The following PBX1 variants were observed in gnomAD, a reference collection of about 807,000 sequenced individuals.
PBX1 encodes the protein pre-B-cell leukemia transcription factor 1.
A neutral mutation model predicts 53.4 loss-of-function variants in PBX1; 6 were observed. The ratio of observed to expected loss-of-function variants is 0.11; its 90% confidence interval spans 0.06 to 0.22. PBX1 has a LOEUF of 0.22. Among genes scored for constraint, PBX1 ranks in the 10% least tolerant of loss-of-function variants. The probability of loss-of-function intolerance (pLI) is 1.00; values close to 1 mark genes in which losing one functional copy is unlikely to be tolerated. For synonymous variants in PBX1, 204 were observed against 212.3 expected (o/e 0.96, Z 0.34); for missense variants, 251 against 551.4 (o/e 0.46, Z 5.46).
chr1:164,623,564 C>T (rs1326690684), intron 2 of PBX1, among the ~76,000 whole-genome samples: 8 of 152,208 alleles, frequency 5.3e-5, no homozygotes, highest in Non-Finnish European at 8.8e-5. Context: ...CTGCCAAAGT[C>T]GTGCTTACTG....
chr1:164,753,476 T>A (rs995962557), intron 2 of PBX1, among the ~76,000 whole-genome samples: 21 of 152,344 alleles, frequency 1.4e-4, no homozygotes, highest in African/African-American at 4.3e-4. Context: ...AGGATTTCGT[T>A]ATATCCCCTC....
chr1:164,747,048 A>G (rs1327021387), intron 2 of PBX1, among the ~76,000 whole-genome samples: 2 of 152,076 alleles, frequency 1.3e-5, no homozygotes, highest in Non-Finnish European at 2.9e-5. Flanking sequence ...TGTTGTTCCT[A>G]TTGTGCAGGT....
In PBX1 at chr1:164,789,971, T is replaced by TC. The variant is rs1474835936; in HGVS notation, c.266-2523_266-2522insC. Among the ~76,000 whole-genome samples the TC allele has an allele frequency of 2.0e-5, 3 of 152,100 alleles. No individual in the cohort carries two copies. The South Asian group carries it at 6.2e-4, about 32-fold the overall frequency. The stretch of plus-strand genomic sequence containing the variant: ...TATTAATGGCTCAGAGGCGATTCTT[T>TC]TTTTTTTCTAATTTGTAAATGACCC... On this transcript the variant is annotated intron_variant, in intron 2 of 8. Coordinates refer to ENST00000420696, the MANE Select transcript of PBX1 (RefSeq NM_002585.4).
At chr1:164,581,516 G>A (rs1222274286) in intron 2 of PBX1, among the ~76,000 whole-genome samples, 1 of 152,046 alleles carries the variant, frequency 6.6e-6, no homozygotes, top group Admixed American at 6.6e-5. Flanking sequence ...ATGAGCCACC[G>A]CACCCAGCCC....
At chr1:164,635,051 A>G (rs1346140428) in intron 2 of PBX1, among the ~76,000 whole-genome samples, 1 of 137,926 alleles carries the variant, frequency 7.3e-6, no homozygotes, top group Non-Finnish European at 1.5e-5. Flanking sequence ...GAGGCAAGTG[A>G]TACATCTTAG....
At chr1:164,728,757 A>G (rs1300554772) in intron 2 of PBX1, among the ~76,000 whole-genome samples, 2 of 152,198 alleles carry the variant, frequency 1.3e-5, no homozygotes, top group East Asian at 1.9e-4. Context: ...TTTTAACTTT[A>G]TAACACCGGT....
At chr1:164,835,572 A>G (rs1175803839) in intron 8 of PBX1, among the ~76,000 whole-genome samples, 2 of 152,142 alleles carry the variant, frequency 1.3e-5, no homozygotes, top group African/African-American at 2.4e-5. Context: ...GTGCGATTGA[A>G]CATTTTTTAT....
intron 2 of PBX1, among the ~76,000 whole-genome samples, chr1:164,783,948 T>C (rs570562046): frequency 6.6e-6 from 1 of 152,362 alleles, no homozygotes; most frequent in Non-Finnish European, 1.5e-5. Context: ...TCTCTATGGT[T>C]GCTTCCTTTA....
At chr1:164,623,603 C>T (rs1438105907) in intron 2 of PBX1, among the ~76,000 whole-genome samples, 6 of 152,184 alleles carry the variant, frequency 3.9e-5, no homozygotes. Context: ...GTTTCTCTGC[C>T]TTTTCCTCGT....
chr1:164,632,731 C>T (rs577486111), intron 2 of PBX1, among the ~76,000 whole-genome samples: 13 of 152,184 alleles, frequency 8.5e-5, no homozygotes, highest in East Asian at 5.8e-4. Context: ...ATCAGTGGTA[C>T]GGACACATTG....
rs1218453832 is a variant in PBX1, at chr1:164,847,389, A to G, written c.*713A>G. The G allele has an allele frequency of 1.2e-5, 13 of 1,064,576 alleles. No homozygotes were observed. The highest frequency in any genetic ancestry group is 1.4e-5 in the Non-Finnish European group (12 of 878,804). 65.9% of individuals were successfully genotyped at this position (1,064,576 alleles called of 1,614,324 possible). A position where few individuals can be genotyped will look rare whatever the true frequency, so the allele number is the denominator to read the frequency against. ...GTTCCCGGGCAGGAAGTCAGGCAGC[A>G]GGGAAGGACACGGGAACAGCAGGTG... On this transcript the variant is annotated 3_prime_UTR_variant, in exon 9 of 9. Coordinates refer to ENST00000420696, the MANE Select transcript of PBX1 (RefSeq NM_002585.4).
At chr1:164,843,431 C>T (rs188736223) in intron 8 of PBX1, among the ~76,000 whole-genome samples, 1 of 152,180 alleles carries the variant, frequency 6.6e-6, no homozygotes, top group Admixed American at 6.5e-5. Flanking sequence ...CTGTTGGGGT[C>T]TACTCGGATC....
Position 164,671,453 on chromosome 1 carries a change from T to C in PBX1, c.265+108142T>C, listed in dbSNP as rs151307921. Among the ~76,000 whole-genome samples the C allele has an allele frequency of 2.7e-4, 41 of 152,306 alleles. No homozygotes were observed. In the East Asian group the frequency reaches 7.7e-3, roughly 29 times the overall value. On this transcript the variant is annotated intron_variant, in intron 2 of 8. Coordinates refer to ENST00000420696, the MANE Select transcript of PBX1 (RefSeq NM_002585.4). ...CAAACTTTGTGTGTGAGTGCATGCA[T>C]GTGCATACACTCGCCTGCCAGTGCA...
At chr1:164,612,963 A>G (rs1409576991) in intron 2 of PBX1, among the ~76,000 whole-genome samples, 1 of 152,184 alleles carries the variant, frequency 6.6e-6, no homozygotes, top group Non-Finnish European at 1.5e-5. Context: ...TCCCAGGGTT[A>G]TTGGGCAGTT....
At chr1:164,843,962 G>T (rs1298792874) in intron 8 of PBX1, among the ~76,000 whole-genome samples, 1 of 152,068 alleles carries the variant, frequency 6.6e-6, no homozygotes, top group Non-Finnish European at 1.5e-5. Context: ...TGGCTAAAAT[G>T]ATAGAGTGGT....
intron 2 of PBX1, among the ~76,000 whole-genome samples, chr1:164,734,438 G>T (rs1665161262): frequency 6.6e-6 from 1 of 152,150 alleles, no homozygotes; most frequent in Non-Finnish European, 1.5e-5. Context: ...CCCTGAAAGT[G>T]ATTTTTGTTT....
intron 2 of PBX1, among the ~76,000 whole-genome samples, chr1:164,789,210 T>C (rs1668363493): frequency 6.6e-6 from 1 of 152,136 alleles, no homozygotes; most frequent in African/African-American, 2.4e-5. Flanking sequence ...TTAAAACCAG[T>C]TAGATTTGAA....
intron 2 of PBX1, among the ~76,000 whole-genome samples, chr1:164,735,888 G>A (rs1404067980): frequency 6.6e-6 from 1 of 152,180 alleles, no homozygotes; most frequent in East Asian, 1.9e-4. Flanking sequence ...CATGAGGCAT[G>A]TGATTCAAGC....
chr1:164,839,837 A>C (rs1467930587), intron 8 of PBX1, among the ~76,000 whole-genome samples: 1 of 152,122 alleles, frequency 6.6e-6, no homozygotes, highest in Non-Finnish European at 1.5e-5. Context: ...GATGGGAGCC[A>C]GACTAGAGAG....
Sources: allele counts gnomAD v4.1 joint callset (sites outside exome capture counted in the v4.1 genomes callset), GRCh38; gene constraint gnomAD v4.1.1; transcripts MANE v1.5; gene names NCBI Gene and HGNC (gene_info 2026-07-23, HGNC 2026-07-21).